The following RNF125 variants were observed in gnomAD, a reference collection of about 807,000 sequenced individuals.
RNF125 encodes ring finger protein 125, also known as E3 ubiquitin-protein ligase RNF125.
In RNF125, 21 loss-of-function variants were observed where a neutral mutation model predicts 26.0. The observed-to-expected ratio is 0.81, with a 90% CI of 0.57 to 1.16. The LOEUF (loss-of-function observed/expected upper bound fraction) is 1.16. Among genes scored for constraint, RNF125 ranks in the 50% most tolerant of loss-of-function variants. RNF125 has a pLI of 0.00. For synonymous variants in RNF125, 95 were observed against 109.2 expected (o/e 0.87, Z 0.81); for missense variants, 270 against 299.4 (o/e 0.90, Z 0.72).
the RNF125 span, among the ~76,000 whole-genome samples, chr18:32,088,471 TC>T: frequency 6.6e-6 from 1 of 152,198 alleles, no homozygotes; most frequent in Admixed American, 6.5e-5. Context: ...TCAAGATCCA[TC>T]GAACTTGACT....
Position 32,068,420 on chromosome 18 carries a change from T to C in RNF125, c.*36T>C. 2 of 1,207,112 alleles carry C rather than the reference T, an allele frequency of 1.7e-6. No individual in the cohort carries two copies. Among genetic ancestry groups the C allele is most frequent in the Non-Finnish European group, 2.5e-6 (2 of 812,542 alleles). 74.8% of individuals were successfully genotyped at this position (1,207,112 alleles called of 1,614,324 possible). The stretch of plus-strand genomic sequence containing the variant: ...ACGAAGGGAAAAGGGACCACTGAAT[T>C]GCACCATTTAAGATGCTGCTTGAAC... On this transcript the variant is annotated 3_prime_UTR_variant, in exon 6 of 6. Transcript: ENST00000217740.
chr18:32,049,098 AC>A (rs1467148703), intron 4 of RNF125, among the ~76,000 whole-genome samples: 4 of 152,190 alleles, frequency 2.6e-5, no homozygotes, highest in African/African-American at 9.7e-5. Flanking sequence ...GGTACTGTGT[AC>A]CTGCTCCAGC....
chr18:32,028,064 T>C (rs796087170), intron 1 of RNF125, among the ~76,000 whole-genome samples: 11 of 151,818 alleles, frequency 7.2e-5, no homozygotes, highest in African/African-American at 1.7e-4. Context: ...TTTGGGAGGC[T>C]GAGGCGGGCG....
At chr18:32,022,248 T>TAAC (rs747398296) in intron 1 of RNF125, among the ~76,000 whole-genome samples, 1 of 152,224 alleles carries the variant, frequency 6.6e-6, no homozygotes, top group Non-Finnish European at 1.5e-5. Flanking sequence ...AGTTTAATAA[T>TAAC]AACAACAGTA....
chr18:32,047,990 T>G (rs1444829583), intron 4 of RNF125, among the ~76,000 whole-genome samples: 1 of 151,848 alleles, frequency 6.6e-6, no homozygotes, highest in Non-Finnish European at 1.5e-5. Context: ...TAGCAAGGCA[T>G]GGTGGCATGC....
intron 1 of RNF125, among the ~76,000 whole-genome samples, chr18:32,028,530 A>G (rs2144441323): frequency 6.6e-6 from 1 of 151,350 alleles, no homozygotes; most frequent in East Asian, 1.9e-4. Context: ...GGCCATCTCA[A>G]TAGCCATCTC....
chr18:32,090,135 A>G, the RNF125 span, among the ~76,000 whole-genome samples: 2 of 152,208 alleles, frequency 1.3e-5, no homozygotes, highest in Non-Finnish European at 2.9e-5. Context: ...AATCTCAGCT[A>G]CTTGGGAGGC....
intron 4 of RNF125, among the ~76,000 whole-genome samples, chr18:32,061,535 C>G (rs1278724333): frequency 2.0e-5 from 3 of 152,214 alleles, no homozygotes; most frequent in Non-Finnish European, 4.4e-5. Flanking sequence ...CTTTCCCTAC[C>G]TTCAGTTACA....
chr18:32,085,373 C>CAGAGAGAGAGAGAGAGAG, the RNF125 span, among the ~76,000 whole-genome samples: 99 of 128,796 alleles, frequency 7.7e-4, 1 homozygote, highest in African/African-American at 2.8e-3. Flanking sequence ...CTGCCAGAAG[C>CAGAGAGAGAGAGAGAGAG]AGAGAGAGAG....
At chr18:32,029,797 T>G (rs1451126950) in intron 1 of RNF125, among the ~76,000 whole-genome samples, 1 of 152,132 alleles carries the variant, frequency 6.6e-6, no homozygotes, top group Non-Finnish European at 1.5e-5. Flanking sequence ...TGAATGGGCC[T>G]GCTGAATGTA....
intron 2 of RNF125, among the ~76,000 whole-genome samples, chr18:32,040,040 A>G (rs2039200285): frequency 1.3e-5 from 2 of 151,950 alleles, no homozygotes; most frequent in African/African-American, 2.4e-5. Flanking sequence ...CGGCCTCCCA[A>G]AGTGCTAGGA....
chr18:32,029,590 A>G (rs2144443545), intron 1 of RNF125, among the ~76,000 whole-genome samples: 1 of 150,784 alleles, frequency 6.6e-6, no homozygotes, highest in East Asian at 1.9e-4. Flanking sequence ...ACTGCACTTC[A>G]GTTTGGGTGA....
chr18:32,018,934 G>T lies in RNF125; in HGVS notation c.71G>T (p.Arg24Leu), dbSNP rs748731357. 5.0e-6 allele frequency: 8 copies of T among 1,612,888 alleles called. No individual in the cohort carries two copies. Among genetic ancestry groups the T allele is most frequent in the Non-Finnish European group, 6.8e-6 (8 of 1,179,554 alleles). ...PASATARALE[R>L]RRDPELPVTS... ...TCTGCCACCGCGCGGGCCCTGGAGC[G>T]CAGGAGGGACCCGGAGTTGCCCGTC... The change falls in exon 1 of 6, where the codon CGC becomes CTC. Residue 24 changes from arginine (R) to leucine (L), a missense_variant. By Grantham distance (102) the Arg-to-Leu change is moderately radical. Transcript: ENST00000217740.
chr18:32,032,533 AT>A (rs915073433), intron 1 of RNF125, among the ~76,000 whole-genome samples: 11 of 151,858 alleles, frequency 7.2e-5, no homozygotes, highest in Admixed American at 2.6e-4. Flanking sequence ...TATTTATGTG[AT>A]TTTTTTCCCC....
At chr18:32,043,121 C>T (rs1203029028) in intron 3 of RNF125, among the ~76,000 whole-genome samples, 1 of 151,432 alleles carries the variant, frequency 6.6e-6, no homozygotes, top group Non-Finnish European at 1.5e-5. Flanking sequence ...TGCACTCCAG[C>T]CTGGGTGACA....
rs138238088 is a variant in RNF125, at chr18:32,068,671, C to T, written c.*287C>T. The T allele has an allele frequency of 1.3e-4, 38 of 298,028 alleles. No individual in the cohort carries two copies. Among genetic ancestry groups the T allele is most frequent in the African/African-American group, 7.4e-4 (34 of 45,892 alleles). 18.5% of individuals were successfully genotyped at this position (298,028 alleles called of 1,614,324 possible). ...TGGTAGGCAAGTAGGTGGAGGATCT[C>T]GGTTTGCAAATTAGATAATACTCTG... On this transcript the variant is annotated 3_prime_UTR_variant, in exon 6 of 6. Transcript: ENST00000217740.
At chr18:32,080,301 T>C in the RNF125 span, among the ~76,000 whole-genome samples, 75 of 152,208 alleles carry the variant, frequency 4.9e-4, no homozygotes, top group Non-Finnish European at 7.3e-5. Context: ...AATGCTAGGA[T>C]TACAAGTGTG....
intron 1 of RNF125, among the ~76,000 whole-genome samples, chr18:32,029,920 T>C (rs1355463347): frequency 6.6e-6 from 1 of 151,930 alleles, no homozygotes; most frequent in Non-Finnish European, 1.5e-5. Context: ...CATCTAGAGG[T>C]TGAGAATGGG....
At chr18:32,090,466 A>G in the RNF125 span, among the ~76,000 whole-genome samples, 1 of 152,166 alleles carries the variant, frequency 6.6e-6, no homozygotes, top group African/African-American at 2.4e-5. Flanking sequence ...CAACAAAAAT[A>G]CAAAATATAG....
Sources: gnomAD v4.1 joint callset for allele counts (sites outside exome capture counted in the v4.1 genomes callset) on GRCh38, gnomAD v4.1.1 for gene constraint, MANE v1.5 for transcripts, NCBI Gene and HGNC (gene_info 2026-07-23, HGNC 2026-07-21) for gene names.